Variants in ST6GALNAC3 observed in about 807,000 individuals in gnomAD.
The protein encoded by ST6GALNAC3 is alpha-N-acetylgalactosaminide alpha-2,6-sialyltransferase 3.
A neutral mutation model predicts 32.7 loss-of-function variants in ST6GALNAC3; 25 were observed. The ratio of observed to expected loss-of-function variants is 0.76; its 90% CI spans 0.56 to 1.07. The LOEUF (loss-of-function observed/expected upper bound fraction) is 1.07. Among genes scored for constraint, ST6GALNAC3 ranks in the 50% least tolerant of loss-of-function variants. ST6GALNAC3 has a pLI of 0.00. For missense variants in ST6GALNAC3, 355 were observed against 382.4 expected (o/e 0.93, Z 0.60); for synonymous variants, 129 against 133.1 (o/e 0.97, Z 0.21).
intron 1 of ST6GALNAC3, among the ~76,000 whole-genome samples, chr1:76,255,018 ATCTC>A (rs898118832): frequency 7.1e-6 from 1 of 139,956 alleles, no homozygotes; most frequent in Non-Finnish European, 1.5e-5. Flanking sequence ...GTTTCTGCAA[ATCTC>A]TCTCTCTCTT....
At chr1:76,467,860 A>C (rs1658745280) in intron 3 of ST6GALNAC3, among the ~76,000 whole-genome samples, 2 of 152,016 alleles carry the variant, frequency 1.3e-5, no homozygotes, top group African/African-American at 4.8e-5. Context: ...AAATTGCAAT[A>C]AAATGAAATA....
chr1:76,534,805 G>A (rs762619270), intron 3 of ST6GALNAC3, among the ~76,000 whole-genome samples: 3 of 152,098 alleles, frequency 2.0e-5, no homozygotes, highest in Non-Finnish European at 4.4e-5. Context: ...CAGGTAATAG[G>A]CTTGAAGAAA....
chr1:76,216,081 T>C (rs554183230), intron 1 of ST6GALNAC3, among the ~76,000 whole-genome samples: 1 of 152,282 alleles, frequency 6.6e-6, no homozygotes, highest in African/African-American at 2.4e-5. Context: ...GTCTCATAGA[T>C]GTTATTTAAG....
chr1:76,299,298 G>C (rs964722776), intron 1 of ST6GALNAC3, among the ~76,000 whole-genome samples: 6 of 152,002 alleles, frequency 3.9e-5, no homozygotes, highest in Admixed American at 3.9e-4. Flanking sequence ...CTCTTGATCA[G>C]GCATACGAAA....
intron 1 of ST6GALNAC3, among the ~76,000 whole-genome samples, chr1:76,155,676 A>G (rs1252320840): frequency 4.6e-5 from 7 of 150,884 alleles, no homozygotes; most frequent in Admixed American, 4.6e-4. Flanking sequence ...ACAGGGTTTC[A>G]CCGTGTTAGC....
At chr1:76,436,183 C>G (rs1352833689) in intron 3 of ST6GALNAC3, among the ~76,000 whole-genome samples, 1 of 151,986 alleles carries the variant, frequency 6.6e-6, no homozygotes, top group Non-Finnish European at 1.5e-5. Flanking sequence ...TAAATTTTGT[C>G]TGTGTGTGTC....
At chr1:76,315,858 T>C (rs1370813968) in intron 2 of ST6GALNAC3, among the ~76,000 whole-genome samples, 2 of 152,152 alleles carry the variant, frequency 1.3e-5, no homozygotes, top group Non-Finnish European at 2.9e-5. Context: ...AATGAATGAA[T>C]TGCTTTTGCT....
intron 2 of ST6GALNAC3, among the ~76,000 whole-genome samples, chr1:76,403,346 T>G (rs984061813): frequency 2.0e-5 from 3 of 152,132 alleles, no homozygotes; most frequent in Admixed American, 6.5e-5. Context: ...TGTAAGTGCT[T>G]CTTGTCAATC....
intron 1 of ST6GALNAC3, among the ~76,000 whole-genome samples, chr1:76,247,872 C>T (rs1557725093): frequency 2.0e-5 from 3 of 151,722 alleles, no homozygotes; most frequent in Admixed American, 6.6e-5. Context: ...CACTGGGATA[C>T]GAAAAAACTC....
intron 3 of ST6GALNAC3, among the ~76,000 whole-genome samples, chr1:76,413,714 C>T (rs1236770385): frequency 6.6e-6 from 1 of 152,038 alleles, no homozygotes; most frequent in African/African-American, 2.4e-5. Context: ...CAAGAAGAAT[C>T]CCAAGGGTGA....
intron 3 of ST6GALNAC3, among the ~76,000 whole-genome samples, chr1:76,487,601 A>T (rs1033988622): frequency 1.3e-5 from 2 of 151,894 alleles, no homozygotes; most frequent in Non-Finnish European, 2.9e-5. Flanking sequence ...ACTTCTCTAC[A>T]TTGGTTGTTC....
chr1:76,101,012 T>C (rs2706201), intron 1 of ST6GALNAC3, among the ~76,000 whole-genome samples: 5 of 152,128 alleles, frequency 3.3e-5, no homozygotes, highest in East Asian at 1.9e-4. Flanking sequence ...TGATCCTAAA[T>C]TGACACATCA....
intron 2 of ST6GALNAC3, among the ~76,000 whole-genome samples, chr1:76,354,735 C>T (rs1358045752): frequency 2.0e-5 from 3 of 152,086 alleles, no homozygotes; most frequent in Non-Finnish European, 4.4e-5. Context: ...CCAGTATTTC[C>T]TCAGAACTTC....
intron 1 of ST6GALNAC3, among the ~76,000 whole-genome samples, chr1:76,211,450 G>C (rs919707203): frequency 2.0e-5 from 3 of 152,144 alleles, no homozygotes; most frequent in African/African-American, 7.2e-5. Flanking sequence ...ATACCCAAAG[G>C]ATTATAAAAC....
chr1:76,609,502 A>G (rs745475943), intron 3 of ST6GALNAC3, among the ~76,000 whole-genome samples: 1 of 152,160 alleles, frequency 6.6e-6, no homozygotes, highest in Non-Finnish European at 1.5e-5. Flanking sequence ...CAAAGAAATG[A>G]TAAGTTGTTT....
At chr1:76,087,884 TG>T (rs1298224631) in intron 1 of ST6GALNAC3, among the ~76,000 whole-genome samples, 4 of 152,268 alleles carry the variant, frequency 2.6e-5, no homozygotes, top group Non-Finnish European at 5.9e-5. Context: ...TGATAGGCAC[TG>T]TATTTAATTC....
intron 2 of ST6GALNAC3, among the ~76,000 whole-genome samples, chr1:76,337,662 C>A (rs551868743): frequency 6.6e-6 from 1 of 152,102 alleles, no homozygotes; most frequent in South Asian, 2.1e-4. Context: ...CCTATGGAAT[C>A]AAGATCTGCA....
chr1:76,485,316 C>T (rs914361775), intron 3 of ST6GALNAC3, among the ~76,000 whole-genome samples: 55 of 152,052 alleles, frequency 3.6e-4, no homozygotes, highest in African/African-American at 1.3e-3. Context: ...CCTCCTTGTA[C>T]CTCTGGTAGA....
rs17099209 is a variant in ST6GALNAC3 at position 76,589,933 on chromosome 1, C to T, written c.624-37519C>T. On this transcript the variant is annotated intron_variant, in intron 3 of 4. Transcript: ENST00000328299. The stretch of plus-strand genomic sequence containing the variant: ...CTCCCTGAGAGGTGGGAGGAGGGCT[C>T]CAGTTCTGCTCTCGTAATCCATTTT... 8.3e-3 allele frequency among the ~76,000 whole-genome samples: 1,161 copies of T among 139,674 alleles called. 16 individuals are homozygous for T. Among genetic ancestry groups the T allele is most frequent in the African/African-American group, 0.025 (990 of 40,246 alleles). The allele number at this position is 139,674 out of a possible 152,430, so 91.6% of individuals were successfully genotyped here. A position where few individuals can be genotyped will look rare whatever the true frequency, so the allele number is the denominator to read the frequency against.
Sources: allele counts gnomAD v4.1 joint callset (sites outside exome capture counted in the v4.1 genomes callset), GRCh38; gene constraint gnomAD v4.1.1; transcripts MANE v1.5; gene names NCBI Gene and HGNC (gene_info 2026-07-23, HGNC 2026-07-21).